CLSPN: variants seen among roughly 807,000 people sequenced by gnomAD.
CLSPN encodes the protein claspin.
CLSPN carries 85 observed loss-of-function variants against 156.3 expected under a neutral mutation model. That is an observed-to-expected ratio of 0.54 (90% CI 0.46 to 0.65). The LOEUF is 0.65. Among genes scored for constraint, CLSPN ranks in the 30% least tolerant of loss-of-function variants. The pLI is 0.00. For missense variants in CLSPN, 1,407 were observed against 1,554.9 expected (o/e 0.90, Z 1.60); for synonymous variants, 534 against 542.4 (o/e 0.98, Z 0.22).
intron 24 of CLSPN, among the ~76,000 whole-genome samples, chr1:35,722,725 A>G (rs1641103451): frequency 6.6e-6 from 1 of 151,600 alleles, no homozygotes; most frequent in Non-Finnish European, 1.5e-5. Flanking sequence ...TCCGCCTCCC[A>G]GGATCAAGCG....
Position 35,747,972 on chromosome 1 carries a change from T to C in CLSPN, c.2562A>G (p.Leu854=), listed in dbSNP as rs765080539. The C allele has an allele frequency of 6.2e-7, 1 of 1,614,208 alleles. No individual in the cohort carries two copies. Among genetic ancestry groups the C allele is most frequent in the East Asian group, 2.2e-5 (1 of 44,886 alleles). The change falls in exon 14 of 25, where the codon CTA becomes CTG. Residue 854 remains leucine (L), a synonymous_variant. Coordinates refer to ENST00000318121, the MANE Select transcript of CLSPN (RefSeq NM_022111.4). Reference sequence around the variant, plus strand: ...AACAGAACTGGAAGTCTCCTGCTCCTAGGAAAAGTGTCTTAGGCTCTGGGG... The same window carrying C: ...AACAGAACTGGAAGTCTCCTGCTCCCAGGAAAAGTGTCTTAGGCTCTGGGG... ...NASPEPKTLF[L]GAGDFQFCLE...
intron 18 of CLSPN, among the ~76,000 whole-genome samples, chr1:35,740,738 G>A (rs951885047): frequency 2.0e-5 from 3 of 152,066 alleles, no homozygotes; most frequent in Non-Finnish European, 2.9e-5. Flanking sequence ...TTTTCTTAAA[G>A]CTAAGTTGTT....
At chr1:35,738,135 T>C (rs1416175739) in intron 21 of CLSPN, 38 bp from the exon 22 acceptor site, 1 of 596,948 alleles carries the variant, frequency 1.7e-6, no homozygotes, top group Non-Finnish European at 2.3e-6. Context: ...TATATATATA[T>C]ATATACAGCA....
chr1:35,740,011 G>A (rs767116133), intron 18 of CLSPN, among the ~76,000 whole-genome samples: 10 of 152,314 alleles, frequency 6.6e-5, no homozygotes, highest in Non-Finnish European at 1.3e-4. Flanking sequence ...ATAGCTAGAA[G>A]GTAGCAGAGC....
Position 35,734,334 on chromosome 1 carries a change from C to A in CLSPN, c.*2162G>T, listed in dbSNP as rs1483004851. ...ACACATTTTCCCCATTATAAGATTACAAGTATACAAACATAAGTATTGTCA... is the reference window on the plus strand; with the variant it reads ...ACACATTTTCCCCATTATAAGATTAAAAGTATACAAACATAAGTATTGTCA... On this transcript the variant is annotated 3_prime_UTR_variant, in exon 25 of 25. Coordinates refer to ENST00000318121, the MANE Select transcript of CLSPN (RefSeq NM_022111.4). The A allele has an allele frequency of 1.0e-6, 1 of 985,006 alleles. No individual in the cohort carries two copies. The highest frequency in any genetic ancestry group is 6.2e-5 in the Admixed American group (1 of 16,250). The allele number at this position is 985,006 out of a possible 1,614,324, so 61.0% of individuals were successfully genotyped here. A position where few individuals can be genotyped will look rare whatever the true frequency, so the allele number is the denominator to read the frequency against.
intron 8 of CLSPN, among the ~76,000 whole-genome samples, chr1:35,758,234 C>T (rs748732089): frequency 2.0e-5 from 3 of 151,418 alleles, no homozygotes; most frequent in Admixed American, 6.6e-5. Context: ...TGCAGGAGTG[C>T]AATTTCAGCT....
At chr1:35,766,436 T>G (rs1164531759) in intron 1 of CLSPN, among the ~76,000 whole-genome samples, 1 of 152,174 alleles carries the variant, frequency 6.6e-6, no homozygotes, top group Non-Finnish European at 1.5e-5. Context: ...TATTTCTATA[T>G]GCTATGTGTA....
At chr1:35,769,452 C>A (rs1447962816) in intron 1 of CLSPN, among the ~76,000 whole-genome samples, 2 of 152,216 alleles carry the variant, frequency 1.3e-5, no homozygotes, top group Non-Finnish European at 2.9e-5. Flanking sequence ...TGCGGAGAAT[C>A]CCCCCGCACC....
In CLSPN at chr1:35,733,478, T is replaced by A. The variant is rs1477827118; in HGVS notation, c.*3018A>T. On this transcript the variant is annotated 3_prime_UTR_variant, in exon 25 of 25. Coordinates refer to ENST00000318121, the MANE Select transcript of CLSPN (RefSeq NM_022111.4). ...CTTATCCTCAGTTGTCAATTCCAATTGTCTTTTCTATCTCTCCTCAAAAGA... is the reference window on the plus strand; with the variant it reads ...CTTATCCTCAGTTGTCAATTCCAATAGTCTTTTCTATCTCTCCTCAAAAGA... 5.1e-6 allele frequency: 5 copies of A among 985,192 alleles called. No individual in the cohort carries two copies. Among genetic ancestry groups the A allele is most frequent in the Non-Finnish European group, 6.0e-6 (5 of 829,918 alleles). The allele number at this position is 985,192 out of a possible 1,614,324, so 61.0% of individuals were successfully genotyped here.
At chr1:35,723,012 G>T (rs1406517077) in intron 24 of CLSPN, among the ~76,000 whole-genome samples, 1 of 152,188 alleles carries the variant, frequency 6.6e-6, no homozygotes. Flanking sequence ...TGCTCACACA[G>T]CAGTCCTGGT....
chr1:35,736,844 G>T, intron 24 of CLSPN, 70 bp downstream of exon 24: 1 of 1,531,632 alleles, frequency 6.5e-7, no homozygotes, highest in South Asian at 1.3e-5. Flanking sequence ...CAGAATTTTT[G>T]TTTTTAAATT....
At chr1:35,736,762 G>C (rs1174832501) in intron 24 of CLSPN, 152 bp downstream of exon 24, 1 of 1,290,370 alleles carries the variant, frequency 7.7e-7, no homozygotes, top group Non-Finnish European at 1.0e-6. Context: ...GTTGATTACC[G>C]ACTGGGGTAG....
intron 8 of CLSPN, among the ~76,000 whole-genome samples, chr1:35,758,756 A>C (rs1642373423): frequency 6.6e-6 from 1 of 151,502 alleles, no homozygotes; most frequent in Admixed American, 6.6e-5. Flanking sequence ...TATTTCAACA[A>C]ATCTTCACCA....
chr1:35,725,598 CCTTT>C (rs1641163984), intron 24 of CLSPN, among the ~76,000 whole-genome samples: 1 of 152,082 alleles, frequency 6.6e-6, no homozygotes, highest in Non-Finnish European at 1.5e-5. Flanking sequence ...ATCAGCACAG[CCTTT>C]CAAGGCCTGA....
At position 35,733,714 on chromosome 1, in the gene CLSPN, G is replaced by A. The variant is rs1641377959; in HGVS notation, c.*2782C>T. Reference sequence around the variant, plus strand: ...CTGTAACAGGCTGGGCATGGTGGCTGAGCCTGTGACCCCAGCATTTTGGGA... The same window carrying A: ...CTGTAACAGGCTGGGCATGGTGGCTAAGCCTGTGACCCCAGCATTTTGGGA... On this transcript the variant is annotated 3_prime_UTR_variant, in exon 25 of 25. Transcript: ENST00000318121. The A allele has an allele frequency of 1.0e-6, 1 of 984,774 alleles. No individual in the cohort carries two copies. Among genetic ancestry groups the A allele is most frequent in the Admixed American group, 6.2e-5 (1 of 16,258 alleles). The allele number at this position is 984,774 out of a possible 1,614,324, so 61.0% of individuals were successfully genotyped here.
intron 12 of CLSPN, chr1:35,748,820 C>CTTTTTT (rs201350754): frequency 1.3e-4 from 38 of 293,508 alleles, no homozygotes; most frequent in Non-Finnish European, 1.7e-4. Context: ...CTTGAAAGTT[C>CTTTTTT]TTTTTTTTTT....
Position 35,732,732 on chromosome 1 carries a change from C to A in CLSPN, c.*3764G>T. On this transcript the variant is annotated 3_prime_UTR_variant, in exon 25 of 25. Coordinates refer to ENST00000318121, the MANE Select transcript of CLSPN (RefSeq NM_022111.4). ...CCTCCTCAGAGCCATAGTGGCAGGT[C>A]CTGGGGCTTCAATTTCATTAAAACA... 1.0e-6 allele frequency: 1 copy of A among 985,338 alleles called. No homozygotes were observed. The highest frequency in any genetic ancestry group is 1.2e-6 in the Non-Finnish European group (1 of 829,928). The allele number at this position is 985,338 out of a possible 1,614,324, so 61.0% of individuals were successfully genotyped here. A position where few individuals can be genotyped will look rare whatever the true frequency, so the allele number is the denominator to read the frequency against.
At chr1:35,738,946 G>A (rs568137843) in intron 20 of CLSPN, among the ~76,000 whole-genome samples, 190 bp downstream of exon 20, 53 of 152,016 alleles carry the variant, frequency 3.5e-4, no homozygotes, top group South Asian at 2.1e-3. Flanking sequence ...GATTACAGGC[G>A]CGTGCCATCA....
chr1:35,737,042 C>A lies in CLSPN; in HGVS notation c.3781G>T (p.Ala1261Ser). ...KTGSLLNQPK[A>S]VLQKLAALSD... ...AGAGCAGCCAGTTTCTGAAGCACAG[C>A]TTTGGGCTGGTTTAGCAGTGAGCCT... Residue 1261 changes from alanine to serine, a missense_variant, in exon 24 of 25, where the codon GCT (alanine) becomes TCT (serine). Ala to Ser is a moderately conservative substitution (Grantham distance 99, BLOSUM62 1). Transcript: ENST00000318121. The A allele has an allele frequency of 6.2e-7, 1 of 1,614,140 alleles. No individual in the cohort carries two copies. Among genetic ancestry groups the A allele is most frequent in the African/African-American group, 1.3e-5 (1 of 75,032 alleles).
Sources: allele counts gnomAD v4.1 joint callset (sites outside exome capture counted in the v4.1 genomes callset), GRCh38; gene constraint gnomAD v4.1.1; transcripts MANE v1.5; gene names NCBI Gene and HGNC (gene_info 2026-07-23, HGNC 2026-07-21).